RNF24: variants seen among roughly 807,000 people sequenced by gnomAD.
The protein encoded by RNF24 is ring finger protein 24.
RNF24 carries 14 observed loss-of-function variants against 20.0 expected under a neutral mutation model. The observed-to-expected ratio is 0.70, with a 90% CI of 0.46 to 1.10. The LOEUF (loss-of-function observed/expected upper bound fraction) is 1.10. Among genes scored for constraint, RNF24 ranks in the 50% least tolerant of loss-of-function variants. RNF24 has a pLI of 0.00. For missense variants in RNF24, 124 were observed against 177.6 expected, an observed-to-expected ratio of 0.70 and a Z score of 1.71; for synonymous variants, 45 against 61.1, an observed-to-expected ratio of 0.74 and a Z score of 1.23.
In RNF24 at chr20:3,932,366, C is replaced by T. The variant is rs2146932128; in HGVS notation, c.*1697G>A. 6.6e-6 allele frequency: 1 copy of T among 152,402 alleles called. No individual in the cohort carries two copies. The highest frequency in any genetic ancestry group is 1.9e-4 in the East Asian group (1 of 5,192). The allele number at this position is 152,402 out of a possible 1,614,324, so 9.4% of individuals were successfully genotyped here. On this transcript the variant is annotated 3_prime_UTR_variant, in exon 6 of 6. Transcript: ENST00000358395. Reference sequence around the variant, plus strand: ...AAAAATATTCCTCACTTTCCTCGTCCTGTTTAGGAAGCAGTCCAGTTGGCA... The same window carrying T: ...AAAAATATTCCTCACTTTCCTCGTCTTGTTTAGGAAGCAGTCCAGTTGGCA...
Position 3,931,011 on chromosome 20 carries a change from A to G in RNF24, c.*3052T>C, listed in dbSNP as rs2090814382. The stretch of plus-strand genomic sequence containing the variant: ...TAACCAAATCACACGTGGCAAAGAA[A>G]AGCAGCAGATGTCAACTTCCTAGTG... On this transcript the variant is annotated 3_prime_UTR_variant, in exon 6 of 6. Coordinates refer to ENST00000358395, the MANE Select transcript of RNF24 (RefSeq NM_001134337.3). 2 of 152,254 alleles carry G rather than the reference A, an allele frequency of 1.3e-5. No individual in the cohort carries two copies. Among genetic ancestry groups the G allele is most frequent in the Admixed American group, 1.3e-4 (2 of 15,286 alleles). 9.4% of individuals were successfully genotyped at this position (152,254 alleles called of 1,614,324 possible).
intron 1 of RNF24, among the ~76,000 whole-genome samples, chr20:3,966,562 T>G (rs908786860): frequency 6.7e-6 from 1 of 148,720 alleles, no homozygotes; most frequent in Non-Finnish European, 1.5e-5. Flanking sequence ...AAGGAAGCCT[T>G]GACAAAAATC....
intron 1 of RNF24, among the ~76,000 whole-genome samples, chr20:3,981,048 C>G (rs1330258545): frequency 1.3e-5 from 2 of 151,934 alleles, no homozygotes; most frequent in Non-Finnish European, 2.9e-5. Flanking sequence ...TCAACAGAAT[C>G]GCCATTTGTC....
chr20:3,967,838 C>CA (rs2091274171), intron 1 of RNF24, among the ~76,000 whole-genome samples: 1 of 150,472 alleles, frequency 6.6e-6, no homozygotes, highest in African/African-American at 2.4e-5. Context: ...TATAAAAATA[C>CA]AAAAATTAGC....
At chr20:3,987,933 A>G (rs1382345556) in intron 1 of RNF24, among the ~76,000 whole-genome samples, 1 of 152,212 alleles carries the variant, frequency 6.6e-6, no homozygotes, top group Non-Finnish European at 1.5e-5. Flanking sequence ...GGGAAATTAA[A>G]CAAAAATTTT....
rs1256343252 is a variant in RNF24 at position 3,931,012 on chromosome 20, AG to A, written c.*3050del. On this transcript the variant is annotated 3_prime_UTR_variant, in exon 6 of 6. Transcript: ENST00000358395. ...AACCAAATCACACGTGGCAAAGAAA[AG>A]CAGCAGATGTCAACTTCCTAGTGTC... 6.6e-6 allele frequency: 1 copy of A among 152,272 alleles called. No individual in the cohort carries two copies. The highest frequency in any genetic ancestry group is 1.5e-5 in the Non-Finnish European group (1 of 68,068). 9.4% of individuals were successfully genotyped at this position (152,272 alleles called of 1,614,324 possible). A position where few individuals can be genotyped will look rare whatever the true frequency, so the allele number is the denominator to read the frequency against.
chr20:3,975,780 T>C (rs74507587), intron 1 of RNF24, among the ~76,000 whole-genome samples: 1 of 151,890 alleles, frequency 6.6e-6, no homozygotes, highest in Non-Finnish European at 1.5e-5. Context: ...CTGAGTGATA[T>C]AAGAAGCAGA....
chr20:3,973,367 C>T (rs2147008418), intron 1 of RNF24, among the ~76,000 whole-genome samples: 1 of 151,456 alleles, frequency 6.6e-6, no homozygotes, highest in South Asian at 2.1e-4. Flanking sequence ...AGAAAAAGGG[C>T]AAGTTAAAAA....
intron 1 of RNF24, among the ~76,000 whole-genome samples, chr20:3,976,439 G>T (rs1427876570): frequency 6.6e-6 from 1 of 152,110 alleles, no homozygotes; most frequent in African/African-American, 2.4e-5. Context: ...AATATAATAT[G>T]GTATAGCCAC....
chr20:3,935,112 A>G, intron 4 of RNF24, 39 bp from the exon 5 acceptor site: 2 of 1,575,500 alleles, frequency 1.3e-6, no homozygotes, highest in Non-Finnish European at 1.7e-6. Flanking sequence ...AGTGTCTGTT[A>G]AGTACCCTCC....
intron 4 of RNF24, 145 bp from the exon 5 acceptor site, chr20:3,935,218 T>A: frequency 1.7e-6 from 1 of 598,838 alleles, no homozygotes; most frequent in Non-Finnish European, 2.9e-6. Context: ...AATGAATAAA[T>A]GACTGAAAAG....
At chr20:3,962,857 C>T (rs2091218242) in intron 2 of RNF24, among the ~76,000 whole-genome samples, 2 of 151,810 alleles carry the variant, frequency 1.3e-5, no homozygotes, top group South Asian at 2.1e-4. Context: ...CCCACCACCA[C>T]ACCTCGCTAA....
At chr20:3,940,298 T>TA (rs2090939692) in intron 4 of RNF24, among the ~76,000 whole-genome samples, 1 of 149,628 alleles carries the variant, frequency 6.7e-6, no homozygotes, top group African/African-American at 2.5e-5. Flanking sequence ...ATAATCACAA[T>TA]AAAAAAACTT....
intron 1 of RNF24, among the ~76,000 whole-genome samples, chr20:3,997,193 TCCAG>T (rs1473609740): frequency 3.2e-5 from 4 of 125,484 alleles, no homozygotes; most frequent in Admixed American, 1.0e-4. Context: ...GCCACTGCAC[TCCAG>T]CCTGGGCAAC....
chr20:3,937,714 A>C (rs1191391982), intron 4 of RNF24, among the ~76,000 whole-genome samples: 3 of 152,180 alleles, frequency 2.0e-5, no homozygotes, highest in Non-Finnish European at 4.4e-5. Flanking sequence ...ACAATATGTA[A>C]TATTTCATGT....
At chr20:3,973,688 C>A (rs1462211099) in intron 1 of RNF24, among the ~76,000 whole-genome samples, 1 of 152,008 alleles carries the variant, frequency 6.6e-6, no homozygotes, top group African/African-American at 2.4e-5. Flanking sequence ...TACAAAAACT[C>A]ACCCAATATA....
chr20:3,946,205 G>A (rs1178918367), intron 3 of RNF24, among the ~76,000 whole-genome samples: 1 of 152,090 alleles, frequency 6.6e-6, no homozygotes, highest in Non-Finnish European at 1.5e-5. Context: ...GGTAGCTCAT[G>A]CCTGCAATCC....
intron 2 of RNF24, among the ~76,000 whole-genome samples, chr20:3,951,244 A>G (rs934930819): frequency 3.3e-5 from 5 of 152,172 alleles, no homozygotes; most frequent in African/African-American, 1.2e-4. Context: ...GGCGTGAGCC[A>G]CCGCACCAGG....
chr20:3,962,842 A>AG (rs1319095451), intron 2 of RNF24, among the ~76,000 whole-genome samples: 1 of 151,176 alleles, frequency 6.6e-6, no homozygotes, highest in Non-Finnish European at 1.5e-5. Flanking sequence ...CTGGGATTAC[A>AG]GGTGCCCACC....
Sources: gnomAD v4.1 joint callset for allele counts (sites outside exome capture counted in the v4.1 genomes callset) on GRCh38, gnomAD v4.1.1 for gene constraint, MANE v1.5 for transcripts, NCBI Gene and HGNC (gene_info 2026-07-23, HGNC 2026-07-21) for gene names.